CFAP184: variants seen among roughly 807,000 people sequenced by gnomAD.
CFAP184 encodes the protein cilia and flagella associated protein 184, also known as cilia- and flagella-associated protein 184.
chr4:7,041,550 CTG>C, the CFAP184 span: 2 of 1,614,252 alleles, frequency 1.2e-6, no homozygotes, highest in Non-Finnish European at 1.7e-6. Context: ...TTTCTGCCAG[CTG>C]TGTCTTTTTG....
chr4:7,041,314 A>T, the CFAP184 span: 1 of 1,611,778 alleles, frequency 6.2e-7, no homozygotes, highest in Non-Finnish European at 8.5e-7. Context: ...CTTCTGCCTC[A>T]CGCCTCTGCA....
the CFAP184 span, chr4:7,041,068 C>G: frequency 1.6e-6 from 1 of 610,510 alleles, no homozygotes; most frequent in Non-Finnish European, 2.5e-6. Flanking sequence ...TTTTCTGGAC[C>G]TATTTTTGCT....
the CFAP184 span, chr4:7,041,179 C>A: frequency 6.7e-6 from 10 of 1,492,868 alleles, no homozygotes; most frequent in Non-Finnish European, 8.9e-6. Context: ...TCCCAAATGA[C>A]ACAGGCCTTT....
chr4:7,042,885 C>G, the CFAP184 span: 1 of 1,556,778 alleles, frequency 6.4e-7, no homozygotes, highest in African/African-American at 1.4e-5. Context: ...CCAGGCTTTC[C>G]CCGTCTCCGC....
At chr4:7,041,040 A>G in the CFAP184 span, 1 of 479,816 alleles carries the variant, frequency 2.1e-6, no homozygotes, top group Non-Finnish European at 3.5e-6. Flanking sequence ...CAGTTACATT[A>G]AATCACCCTT....
the CFAP184 span, chr4:7,042,779 G>GCTCCTC: frequency 5.8e-6 from 9 of 1,542,374 alleles, no homozygotes; most frequent in African/African-American, 9.7e-5. Context: ...GAAGCCGCTT[G>GCTCCTC]CTCCTCCTCC....
the CFAP184 span, chr4:7,041,362 T>C: frequency 6.2e-7 from 1 of 1,614,236 alleles, no homozygotes; most frequent in South Asian, 1.1e-5. Flanking sequence ...CTTCAGGGAT[T>C]CCAGGCGCCG....
the CFAP184 span, chr4:7,041,792 T>C: frequency 6.8e-6 from 11 of 1,611,980 alleles, no homozygotes; most frequent in Admixed American, 1.7e-5. Context: ...AGGCTCTGCT[T>C]CAGCTGAATG....
the CFAP184 span, chr4:7,042,798 C>A: frequency 1.9e-6 from 3 of 1,556,280 alleles, no homozygotes; most frequent in Non-Finnish European, 2.6e-6. Flanking sequence ...CCTCCTCCTC[C>A]GGCTCCGACT....
the CFAP184 span, chr4:7,041,819 C>G: frequency 3.5e-5 from 56 of 1,610,138 alleles, no homozygotes; most frequent in African/African-American, 7.5e-4. Context: ...AGCCGCACGG[C>G]GCTCATCTCC....
the CFAP184 span, chr4:7,042,831 G>A: frequency 2.5e-6 from 4 of 1,573,106 alleles, no homozygotes; most frequent in African/African-American, 5.5e-5. Context: ...GTTCGGGAGA[G>A]GTCGGAGGGC....
the CFAP184 span, chr4:7,041,345 G>A: frequency 1.2e-6 from 2 of 1,614,088 alleles, no homozygotes; most frequent in Non-Finnish European, 1.7e-6. Context: ...AGGCTAGCGT[G>A]GTGGCGCTTC....
the CFAP184 span, chr4:7,041,784 G>A: frequency 1.9e-6 from 3 of 1,612,240 alleles, no homozygotes; most frequent in South Asian, 2.2e-5. Context: ...AATGCACCAG[G>A]CTCTGCTTCA....
chr4:7,041,720 C>T, the CFAP184 span: 2 of 1,614,170 alleles, frequency 1.2e-6, no homozygotes, highest in Non-Finnish European at 1.7e-6. Context: ...TGTTCAAAGT[C>T]AATAAGAAGC....
At chr4:7,042,881 T>A in the CFAP184 span, 4 of 1,559,714 alleles carry the variant, frequency 2.6e-6, no homozygotes, top group Non-Finnish European at 3.5e-6. Context: ...GCGGCCAGGC[T>A]TTCCCCGTCT....
the CFAP184 span, chr4:7,042,200 G>A: frequency 1.3e-6 from 2 of 1,599,156 alleles, no homozygotes; most frequent in South Asian, 1.1e-5. Context: ...TGCAGGTATA[G>A]GTTGTAGCGC....
the CFAP184 span, chr4:7,042,564 C>A: frequency 9.5e-5 from 149 of 1,565,380 alleles, no homozygotes; most frequent in Non-Finnish European, 1.1e-4. Context: ...GTTCCTCCGC[C>A]CCCGCCTCCG....
the CFAP184 span, chr4:7,042,934 T>C: frequency 1.4e-6 from 2 of 1,436,446 alleles, no homozygotes; most frequent in Non-Finnish European, 1.8e-6. Context: ...AGAGCTGACG[T>C]CCATCTCCTC....
chr4:7,041,068 C>T, the CFAP184 span: 1 of 610,510 alleles, frequency 1.6e-6, no homozygotes, highest in Non-Finnish European at 2.5e-6. Context: ...TTTTCTGGAC[C>T]TATTTTTGCT....
Sources: gnomAD v4.1 joint callset for allele counts on GRCh38, gnomAD v4.1.1 for gene constraint, MANE v1.5 for transcripts, NCBI Gene and HGNC (gene_info 2026-07-23, HGNC 2026-07-21) for gene names.